The following LHPP variants were observed in gnomAD, a reference collection of about 807,000 sequenced individuals.
The protein encoded by LHPP is phospholysine phosphohistidine inorganic pyrophosphate phosphatase, also known as hLHPP.
A neutral mutation model predicts 30.3 loss-of-function variants in LHPP; 24 were observed. The ratio of observed to expected loss-of-function variants is 0.79; its 90% confidence interval spans 0.57 to 1.11. LHPP has a LOEUF of 1.11. Among genes scored for constraint, LHPP ranks in the 50% most tolerant of loss-of-function variants. The pLI is 0.00. For synonymous variants in LHPP, 150 were observed against 157.1 expected, an observed-to-expected ratio of 0.95 and a Z score of 0.34; for missense variants, 356 against 367.2, an observed-to-expected ratio of 0.97 and a Z score of 0.25.
intron 3 of LHPP, among the ~76,000 whole-genome samples, chr10:124,494,125 G>A (rs1343025660): frequency 2.0e-5 from 3 of 152,158 alleles, no homozygotes; most frequent in Non-Finnish European, 4.4e-5. Flanking sequence ...TGCACGTTCA[G>A]TTTTTTTAAA....
chr10:124,511,582 C>T (rs574810678), intron 5 of LHPP, among the ~76,000 whole-genome samples: 1 of 152,176 alleles, frequency 6.6e-6, no homozygotes, highest in African/African-American at 2.4e-5. Context: ...TCAGCACCAC[C>T]ATCCGCCGTG....
chr10:124,521,866 C>T (rs184386684), intron 6 of LHPP, among the ~76,000 whole-genome samples: 32 of 151,670 alleles, frequency 2.1e-4, no homozygotes, highest in Middle Eastern at 3.4e-3. Flanking sequence ...CGCACTTACA[C>T]GTACACACAC....
chr10:124,557,795 G>T (rs564827888), intron 6 of LHPP, among the ~76,000 whole-genome samples: 2 of 152,238 alleles, frequency 1.3e-5, no homozygotes, highest in South Asian at 4.1e-4. Flanking sequence ...TGGCTGCACA[G>T]GCGTGGACCG....
chr10:124,583,016 A>C (rs1170546056), intron 6 of LHPP, among the ~76,000 whole-genome samples: 4 of 152,112 alleles, frequency 2.6e-5, no homozygotes, highest in African/African-American at 7.2e-5. Flanking sequence ...TAGAAGAAAA[A>C]CTGCATATAA....
At chr10:124,503,864 G>A (rs368132818) in intron 5 of LHPP, among the ~76,000 whole-genome samples, 2 of 152,092 alleles carry the variant, frequency 1.3e-5, no homozygotes, top group Non-Finnish European at 1.5e-5. Context: ...AGAGAGAAAG[G>A]CTAATGCTTT....
intron 1 of LHPP, among the ~76,000 whole-genome samples, chr10:124,469,073 G>A (rs1952645161): frequency 6.6e-6 from 1 of 152,210 alleles, no homozygotes; most frequent in South Asian, 2.1e-4. Flanking sequence ...GGGGCGAGTG[G>A]CCCTGCGCCT....
chr10:124,519,744 A>G (rs962451363), intron 6 of LHPP, among the ~76,000 whole-genome samples: 1 of 152,036 alleles, frequency 6.6e-6, no homozygotes, highest in Admixed American at 6.6e-5. Context: ...AACTCCATCT[A>G]GGTTTGCTGT....
intron 6 of LHPP, among the ~76,000 whole-genome samples, chr10:124,521,846 C>CACACGTGCACGCACTT (rs1385339906): frequency 3.3e-5 from 5 of 152,062 alleles, no homozygotes; most frequent in African/African-American, 1.2e-4. Context: ...ACGGAGCACG[C>CACACGTGCACGCACTT]ACACGTGCAC....
intron 6 of LHPP, among the ~76,000 whole-genome samples, chr10:124,532,792 A>G (rs920029183): frequency 1.3e-5 from 2 of 152,216 alleles, no homozygotes; most frequent in East Asian, 1.9e-4. Context: ...AGGGTGTAGC[A>G]GGACAGTGCC....
chr10:124,578,821 A>G (rs1459253324), intron 6 of LHPP, among the ~76,000 whole-genome samples: 1 of 152,214 alleles, frequency 6.6e-6, no homozygotes, highest in Non-Finnish European at 1.5e-5. Flanking sequence ...AGTGCCTGGC[A>G]CATTTTGTCC....
At chr10:124,504,013 A>G (rs11592432) in intron 5 of LHPP, among the ~76,000 whole-genome samples, 19,939 of 152,048 alleles carry the variant, frequency 0.13, 1,684 homozygotes, top group East Asian at 0.27. Context: ...CCAACATGGC[A>G]AAACCCCATC....
intron 3 of LHPP, among the ~76,000 whole-genome samples, chr10:124,492,958 T>C (rs1276591636): frequency 2.0e-5 from 3 of 152,154 alleles, no homozygotes; most frequent in Non-Finnish European, 4.4e-5. Context: ...GAGGCTGAGA[T>C]GAGAGGATGG....
chr10:124,465,158 G>C (rs1952520798), intron 1 of LHPP, among the ~76,000 whole-genome samples: 1 of 152,164 alleles, frequency 6.6e-6, no homozygotes, highest in Admixed American at 6.5e-5. Context: ...GCACTGGACA[G>C]ACCCGGAGGG....
At chr10:124,521,299 C>G (rs751496660) in intron 6 of LHPP, among the ~76,000 whole-genome samples, 7 of 152,266 alleles carry the variant, frequency 4.6e-5, no homozygotes, top group African/African-American at 1.4e-4. Context: ...GGAAATACCC[C>G]CAGCCAGGCT....
intron 6 of LHPP, among the ~76,000 whole-genome samples, chr10:124,564,550 A>G (rs1227812485): frequency 6.6e-6 from 1 of 152,050 alleles, no homozygotes. Context: ...CACCGTGCCC[A>G]GCCTCGGATT....
chr10:124,560,519 C>T (rs1171920080), intron 6 of LHPP, among the ~76,000 whole-genome samples: 1 of 152,242 alleles, frequency 6.6e-6, no homozygotes, highest in Non-Finnish European at 1.5e-5. Flanking sequence ...ATACCCTCCT[C>T]GTTGGCCTGC....
chr10:124,610,927 C>T (rs372069644), intron 6 of LHPP, among the ~76,000 whole-genome samples: 170 of 13,054 alleles, frequency 0.013, 5 homozygotes, highest in Admixed American at 0.023. Flanking sequence ...ATGGAGCGGG[C>T]GAGGGTGAGG....
intron 6 of LHPP, among the ~76,000 whole-genome samples, chr10:124,609,387 C>CAG (rs1418203728): frequency 2.6e-5 from 4 of 152,218 alleles, no homozygotes; most frequent in Admixed American, 1.3e-4. Flanking sequence ...GGACTACAGG[C>CAG]GCCTGCCACT....
intron 6 of LHPP, among the ~76,000 whole-genome samples, chr10:124,530,913 C>T (rs1230519466): frequency 2.3e-5 from 2 of 88,554 alleles, no homozygotes; most frequent in Non-Finnish European, 4.7e-5. Flanking sequence ...GCCTCACCAG[C>T]CCGTCCTTCT....
Sources: allele counts gnomAD v4.1 joint callset (sites outside exome capture counted in the v4.1 genomes callset), GRCh38; gene constraint gnomAD v4.1.1; transcripts MANE v1.5; gene names NCBI Gene and HGNC (gene_info 2026-07-23, HGNC 2026-07-21).